Variants in UBAP2L observed in about 807,000 individuals in gnomAD.
UBAP2L encodes ubiquitin associated protein 2 like, also known as ubiquitin-associated protein 2-like.
UBAP2L carries 12 observed loss-of-function variants against 130.6 expected under a neutral mutation model. The ratio of observed to expected loss-of-function variants is 0.09; its 90% CI spans 0.06 to 0.15. The LOEUF (loss-of-function observed/expected upper bound fraction) is 0.15, where lower values mean the gene tolerates loss of function less well. Among genes scored for constraint, UBAP2L ranks in the 10% least tolerant of loss-of-function variants. The pLI is 1.00. For missense variants in UBAP2L, 965 were observed against 1,332.5 expected (o/e 0.72, Z 4.29); for synonymous variants, 503 against 524.7 (o/e 0.96, Z 0.57).
downstream of UBAP2L, chr1:154,271,410 C>CT (rs1189905020): frequency 6.6e-6 from 1 of 152,538 alleles, no homozygotes; most frequent in Non-Finnish European, 1.5e-5. Context: ...GCAGAAATCA[C>CT]TAAAGAACTC....
At chr1:154,266,419 G>T in intron 24 of UBAP2L, 82 bp from the exon 25 acceptor site, 2 of 1,435,764 alleles carry the variant, frequency 1.4e-6, no homozygotes, top group Non-Finnish European at 2.0e-6. Flanking sequence ...AGCTAGAAAG[G>T]CTACAGATAT....
In UBAP2L at chr1:154,251,040, G is replaced by T; in HGVS notation, c.1214-1G>T. ...TTCATATACTGGGTTTCCTCTTGCA[G>T]ATTTGAAGAACCCAAGTGATTCAGC... On this transcript the variant is annotated splice_acceptor_variant, in intron 12 of 26. Transcript: ENST00000428931. LOFTEE classifies it high-confidence loss of function. 2 of 1,603,442 alleles carry T rather than the reference G, an allele frequency of 1.2e-6. No individual in the cohort carries two copies. Among genetic ancestry groups the T allele is most frequent in the Non-Finnish European group, 8.5e-7 (1 of 1,172,344 alleles).
intron 9 of UBAP2L, chr1:154,241,775 A>G (rs1018032619): frequency 2.1e-5 from 21 of 985,388 alleles, no homozygotes; most frequent in South Asian, 4.7e-5. Flanking sequence ...GAACCACACT[A>G]TGGAAAGGGC....
intron 4 of UBAP2L, among the ~76,000 whole-genome samples, chr1:154,228,926 G>A (rs1158554569): frequency 6.6e-6 from 1 of 152,160 alleles, no homozygotes; most frequent in Non-Finnish European, 1.5e-5. Flanking sequence ...TGAGGATAAT[G>A]CTCATAGGAG....
At chr1:154,234,881 G>A (rs1206270377) in intron 5 of UBAP2L, 122 bp downstream of exon 5, 12 of 1,391,864 alleles carry the variant, frequency 8.6e-6, no homozygotes, top group Non-Finnish European at 8.8e-6. Context: ...TTTTCTTGCC[G>A]TCGTCTGTTC....
At chr1:154,236,741 G>A in intron 7 of UBAP2L, 130 bp downstream of exon 7, 1 of 931,630 alleles carries the variant, frequency 1.1e-6, no homozygotes, top group Non-Finnish European at 1.7e-6. Context: ...TCATTTCTTA[G>A]GGATAAACCT....
intron 4 of UBAP2L, among the ~76,000 whole-genome samples, chr1:154,230,969 C>T (rs1298041707): frequency 6.6e-6 from 1 of 152,208 alleles, no homozygotes; most frequent in Non-Finnish European, 1.5e-5. Context: ...ATTCTAAAAG[C>T]TGTTTTGAGT....
chr1:154,256,299 G>C (rs912052974), intron 18 of UBAP2L, among the ~76,000 whole-genome samples: 6 of 152,188 alleles, frequency 3.9e-5, no homozygotes, highest in African/African-American at 7.2e-5. Flanking sequence ...GAGGGCTAAG[G>C]CTCCTTTAGG....
chr1:154,267,868 C>G lies in UBAP2L; in HGVS notation c.2971-889C>G, dbSNP rs1683748308. 3.8e-5 allele frequency among the ~76,000 whole-genome samples: 4 copies of G among 105,196 alleles called. No individual in the cohort carries two copies. The South Asian group carries it at 8.4e-4, about 22-fold the overall frequency. 69.0% of individuals were successfully genotyped at this position (105,196 alleles called of 152,430 possible). On this transcript the variant is annotated intron_variant, in intron 25 of 26. Coordinates refer to ENST00000428931, the MANE Select transcript of UBAP2L (RefSeq NM_014847.4). ...TTACAAAGTGCTTCCACATTCCATC[C>G]TCTTATTTGGTCTTTTTTTTTTTTT... is the stretch of plus-strand genomic sequence containing the variant.
intron 1 of UBAP2L, among the ~76,000 whole-genome samples, chr1:154,223,716 A>G (rs768203241): frequency 4.6e-5 from 7 of 152,194 alleles, no homozygotes; most frequent in Non-Finnish European, 8.8e-5. Flanking sequence ...ACAAAGACCT[A>G]TGCAACCTAT....
At chr1:154,251,340 TA>T (rs1558188923) in intron 13 of UBAP2L, 22 bp downstream of exon 13, 1 of 1,598,688 alleles carries the variant, frequency 6.3e-7, no homozygotes. Flanking sequence ...TTTAGGTAGA[TA>T]CCATTTTATG....
intron 21 of UBAP2L, chr1:154,259,680 G>A (rs1222949532): frequency 1.8e-6 from 1 of 560,032 alleles, no homozygotes; most frequent in African/African-American, 1.9e-5. Context: ...ATGACACCTA[G>A]AGGGTTGAAA....
intron 2 of UBAP2L, among the ~76,000 whole-genome samples, chr1:154,226,003 A>G (rs1463161156): frequency 2.0e-5 from 3 of 152,276 alleles, no homozygotes; most frequent in South Asian, 2.1e-4. Context: ...TAGTAGAGAC[A>G]GGGTTTCACC....
chr1:154,268,929 A>G lies in UBAP2L; in HGVS notation c.3143A>G (p.His1048Arg). The G allele has an allele frequency of 6.2e-7, 1 of 1,605,990 alleles. No individual in the cohort carries two copies. ...PHQQPHSQIL[H>R]HHLQQDGQTG... is the part of the protein sequence containing the mutation. ...CAGCAGCCGCATTCTCAGATCCTTC[A>G]CCATCACCTGCAGCAGGATGGCCAG... The change falls in exon 26 of 27, where the codon CAC becomes CGC. Residue 1048 changes from histidine (H) to arginine (R), a missense_variant. Transcript: ENST00000428931.
intron 3 of UBAP2L, among the ~76,000 whole-genome samples, chr1:154,227,665 G>C (rs1347290714): frequency 6.6e-6 from 1 of 151,714 alleles, no homozygotes; most frequent in African/African-American, 2.4e-5. Context: ...TCGTGCTTCA[G>C]CCTCCCGAGT....
At chr1:154,242,932 ATT>A (rs1172214465) in intron 9 of UBAP2L, 65 of 168,942 alleles carry the variant, frequency 3.8e-4, no homozygotes, top group Middle Eastern at 2.2e-3. Context: ...TCTTTCTTTT[ATT>A]TTTTTTTTTT....
chr1:154,249,078 C>T (rs183475496), intron 11 of UBAP2L, among the ~76,000 whole-genome samples, 161 bp from the exon 12 acceptor site: 300 of 152,266 alleles, frequency 2.0e-3, no homozygotes, highest in Non-Finnish European at 3.6e-3. Flanking sequence ...GACAGTCTGA[C>T]TCTAGGTCCT....
intron 21 of UBAP2L, among the ~76,000 whole-genome samples, chr1:154,259,343 A>G (rs1048550304): frequency 1.3e-5 from 2 of 151,854 alleles, no homozygotes; most frequent in African/African-American, 4.8e-5. Flanking sequence ...GGTGCCCACC[A>G]CCACCCCCAG....
At chr1:154,220,483 G>A, upstream of UBAP2L, 1 of 1,559,258 alleles carries the variant, frequency 6.4e-7, no homozygotes, top group Non-Finnish European at 8.8e-7. Flanking sequence ...CCGCCGAAGC[G>A]ACGGCGCCTG....
Sources: allele counts gnomAD v4.1 joint callset (sites outside exome capture counted in the v4.1 genomes callset), GRCh38; gene constraint gnomAD v4.1.1; transcripts MANE v1.5; gene names NCBI Gene and HGNC (gene_info 2026-07-23, HGNC 2026-07-21).